PHACTR1: variants seen among roughly 807,000 people sequenced by gnomAD.
PHACTR1 encodes the protein RPEL repeat containing 1.
A neutral mutation model predicts 69.2 loss-of-function variants in PHACTR1; 16 were observed. The observed-to-expected ratio is 0.23, with a 90% CI of 0.16 to 0.35. The LOEUF (loss-of-function observed/expected upper bound fraction) is 0.35, where lower values mean the gene tolerates loss of function less well. Among genes scored for constraint, PHACTR1 ranks in the 10% least tolerant of loss-of-function variants. PHACTR1 has a pLI of 1.00. For missense variants in PHACTR1, 510 were observed against 734.7 expected (o/e 0.69, Z 3.54); for synonymous variants, 312 against 284.5 (o/e 1.10, Z -0.97).
At chr6:12,971,762 A>G (rs773930581) in intron 4 of PHACTR1, among the ~76,000 whole-genome samples, 56 of 152,376 alleles carry the variant, frequency 3.7e-4, no homozygotes, top group Admixed American at 7.2e-4. Context: ...ATTGTGAATC[A>G]CATACAGGTG....
At chr6:13,216,340 A>G (rs1240819687) in intron 8 of PHACTR1, among the ~76,000 whole-genome samples, 2 of 152,222 alleles carry the variant, frequency 1.3e-5, no homozygotes, top group Non-Finnish European at 2.9e-5. Context: ...TTTTAGCCTT[A>G]ACAGTCTAAA....
intron 13 of PHACTR1, 24 bp from the exon 14 acceptor site, chr6:13,286,122 T>C (rs767302731): frequency 3.9e-5 from 61 of 1,582,166 alleles, no homozygotes; most frequent in Non-Finnish European, 4.7e-5. Flanking sequence ...CCATTGCACA[T>C]TGATGGGCTT....
At chr6:12,785,407 C>G (rs1771418990) in intron 4 of PHACTR1, among the ~76,000 whole-genome samples, 1 of 152,208 alleles carries the variant, frequency 6.6e-6, no homozygotes, top group African/African-American at 2.4e-5. Flanking sequence ...GAGCTTTTTC[C>G]TGTTTTGCTC....
chr6:13,172,278 C>T (rs1185709355), intron 6 of PHACTR1, among the ~76,000 whole-genome samples: 1 of 152,210 alleles, frequency 6.6e-6, no homozygotes, highest in East Asian at 1.9e-4. Context: ...AAGATGGTAA[C>T]TCCTCTTTCA....
chr6:13,287,506 C>A lies in PHACTR1; in HGVS notation c.*428C>A. The A allele has an allele frequency of 5.2e-6, 1 of 193,248 alleles. No homozygotes were observed. The highest frequency in any genetic ancestry group is 8.4e-5 in the South Asian group (1 of 11,964). 12.0% of individuals were successfully genotyped at this position (193,248 alleles called of 1,614,324 possible). On this transcript the variant is annotated 3_prime_UTR_variant, in exon 15 of 15. Transcript: ENST00000332995. ...GTGGGTTTGTTTTGGGGGTACTGTG[C>A]AAAGCTAATGATCTGGTTGGACTTC...
At chr6:13,083,205 C>G (rs556184352) in intron 5 of PHACTR1, among the ~76,000 whole-genome samples, 1 of 152,264 alleles carries the variant, frequency 6.6e-6, no homozygotes, top group African/African-American at 2.4e-5. Flanking sequence ...ATAGGGAATC[C>G]TTTCCCCATT....
At chr6:12,931,646 G>A (rs1788884781) in intron 4 of PHACTR1, among the ~76,000 whole-genome samples, 1 of 151,926 alleles carries the variant, frequency 6.6e-6, no homozygotes, top group Non-Finnish European at 1.5e-5. Flanking sequence ...TCAGCATCCG[G>A]GGACTTTAAT....
At chr6:12,957,401 G>A (rs1792026345) in intron 4 of PHACTR1, 1 of 985,480 alleles carries the variant, frequency 1.0e-6, no homozygotes, top group Non-Finnish European at 1.2e-6. Context: ...GGCAGGTCGG[G>A]GGTCTGGTTT....
rs574946228 is a variant in PHACTR1 at position 12,989,080 on chromosome 6, A to T, written c.251-64285A>T. Among the ~76,000 whole-genome samples the T allele has an allele frequency of 3.8e-4, 58 of 152,374 alleles. No individual in the cohort carries two copies. In the South Asian group the frequency reaches 0.012, roughly 30 times the overall value. On this transcript the variant is annotated intron_variant, in intron 4 of 14. Transcript: ENST00000332995. ...ACTCAAGATGAATATTTACCCTGGC[A>T]TCATAATGCCTATCTTATAACGTTG...
At chr6:13,215,498 T>C (rs1214125532) in intron 8 of PHACTR1, among the ~76,000 whole-genome samples, 1 of 152,162 alleles carries the variant, frequency 6.6e-6, no homozygotes, top group Non-Finnish European at 1.5e-5. Flanking sequence ...AATGAGGTTT[T>C]TGATAAGAAA....
At chr6:12,885,622 T>G (rs1783562506) in intron 4 of PHACTR1, among the ~76,000 whole-genome samples, 1 of 152,236 alleles carries the variant, frequency 6.6e-6, no homozygotes, top group African/African-American at 2.4e-5. Flanking sequence ...CCAGAAGGAT[T>G]ATAGTTTGAA....
chr6:13,256,630 C>CT (rs1308602629), intron 10 of PHACTR1, among the ~76,000 whole-genome samples: 1 of 152,228 alleles, frequency 6.6e-6, no homozygotes, highest in African/African-American at 2.4e-5. Context: ...GCCAGATACT[C>CT]TAAATCATCA....
chr6:13,099,592 A>T (rs908844926), intron 5 of PHACTR1, among the ~76,000 whole-genome samples: 3 of 152,184 alleles, frequency 2.0e-5, no homozygotes, highest in African/African-American at 7.2e-5. Context: ...GTGGGTGTGG[A>T]TGTGGATGTG....
At chr6:12,822,518 T>A (rs570544740) in intron 4 of PHACTR1, among the ~76,000 whole-genome samples, 1 of 152,178 alleles carries the variant, frequency 6.6e-6, no homozygotes, top group Non-Finnish European at 1.5e-5. Context: ...TCTGCCACGG[T>A]CAGAAGAAAC....
At chr6:13,166,545 C>T (rs1262061983) in intron 6 of PHACTR1, among the ~76,000 whole-genome samples, 3 of 152,096 alleles carry the variant, frequency 2.0e-5, no homozygotes, top group Admixed American at 6.6e-5. Flanking sequence ...ACTGCACCGG[C>T]GAAATCCAGA....
chr6:12,843,744 G>A (rs999658165), intron 4 of PHACTR1, among the ~76,000 whole-genome samples: 6 of 152,196 alleles, frequency 3.9e-5, no homozygotes, highest in Non-Finnish European at 8.8e-5. Flanking sequence ...ATTAAATGAA[G>A]GAGATGGTAT....
intron 4 of PHACTR1, among the ~76,000 whole-genome samples, chr6:12,786,974 G>C (rs1771620911): frequency 1.3e-5 from 2 of 152,162 alleles, no homozygotes; most frequent in Non-Finnish European, 2.9e-5. Flanking sequence ...ATTCAGAGAG[G>C]CTAGGAAATA....
At chr6:12,772,112 A>C (rs1422142530) in intron 4 of PHACTR1, among the ~76,000 whole-genome samples, 1 of 152,202 alleles carries the variant, frequency 6.6e-6, no homozygotes, top group African/African-American at 2.4e-5. Context: ...AAAGGTGAGA[A>C]CAAGTGCCCT....
At chr6:12,900,675 G>A (rs1289253943) in intron 4 of PHACTR1, among the ~76,000 whole-genome samples, 1 of 152,140 alleles carries the variant, frequency 6.6e-6, no homozygotes, top group Non-Finnish European at 1.5e-5. Context: ...TCCAGCCTGG[G>A]CAACACAGTG....
Sources: gnomAD v4.1 joint callset for allele counts (sites outside exome capture counted in the v4.1 genomes callset) on GRCh38, gnomAD v4.1.1 for gene constraint, MANE v1.5 for transcripts, NCBI Gene and HGNC (gene_info 2026-07-23, HGNC 2026-07-21) for gene names.